Variants in EXOC6B observed in about 807,000 individuals in gnomAD.
The protein encoded by EXOC6B is SEC15 homolog B.
A neutral mutation model predicts 113.5 loss-of-function variants in EXOC6B; 54 were observed. The ratio of observed to expected loss-of-function variants is 0.48; its 90% CI spans 0.38 to 0.60. The LOEUF (loss-of-function observed/expected upper bound fraction) is 0.60. EXOC6B is among the 20% of genes least tolerant of loss of function. The pLI is 0.00. For synonymous variants in EXOC6B, 357 were observed against 339.0 expected (o/e 1.05, Z -0.58); for missense variants, 797 against 977.5 (o/e 0.82, Z 2.46).
chr2:72,284,915 A>G (rs184866765), intron 20 of EXOC6B, among the ~76,000 whole-genome samples: 5 of 152,160 alleles, frequency 3.3e-5, no homozygotes, highest in Admixed American at 1.3e-4. Flanking sequence ...GTATAAATCT[A>G]ACAAAATATG....
chr2:72,512,686 G>T lies in EXOC6B; in HGVS notation c.1167+446C>A, dbSNP rs138034470. On this transcript the variant is annotated intron_variant, in intron 11 of 21. Transcript: ENST00000272427. Reference sequence around the variant, plus strand: ...AAATGGTATAGTGGCTAAGAACATGGGCTCTAGAGTCAGACCATCTGGGTT... The same window carrying T: ...AAATGGTATAGTGGCTAAGAACATGTGCTCTAGAGTCAGACCATCTGGGTT... Among the ~76,000 whole-genome samples, 164 of 151,934 alleles carry T rather than the reference G, an allele frequency of 1.1e-3. 1 individual carries two copies. Among genetic ancestry groups the T allele is most frequent in the African/African-American group, 3.8e-3 (157 of 41,468 alleles).
intron 20 of EXOC6B, among the ~76,000 whole-genome samples, chr2:72,240,781 T>C (rs909426338): frequency 3.3e-5 from 5 of 152,208 alleles, no homozygotes; most frequent in African/African-American, 7.2e-5. Flanking sequence ...TAATGACAAC[T>C]AGTTTCTATT....
chr2:72,281,694 A>T (rs969432118), intron 20 of EXOC6B, among the ~76,000 whole-genome samples: 1 of 152,170 alleles, frequency 6.6e-6, no homozygotes, highest in Admixed American at 6.5e-5. Context: ...AGATATAATA[A>T]CTGCAAATTT....
chr2:72,491,808 G>T (rs761805803), intron 16 of EXOC6B, among the ~76,000 whole-genome samples: 46 of 151,946 alleles, frequency 3.0e-4, no homozygotes, highest in Non-Finnish European at 6.2e-4. Context: ...TAGTCCTTTT[G>T]CAAACAAACT....
intron 20 of EXOC6B, among the ~76,000 whole-genome samples, chr2:72,219,230 C>A (rs529341723): frequency 6.6e-6 from 1 of 152,056 alleles, no homozygotes; most frequent in East Asian, 2.0e-4. Flanking sequence ...CGTTACTGGT[C>A]TCACTTTCTA....
rs907685684 is a variant in EXOC6B at position 72,481,693 on chromosome 2, C to T, written c.1666-943G>A. On this transcript the variant is annotated intron_variant, in intron 16 of 21. Coordinates refer to ENST00000272427, the MANE Select transcript of EXOC6B (RefSeq NM_015189.3). Reference sequence around the variant, plus strand: ...TGAAATTTTCTTATCTTTTATAACCCTATTTCTTTATCTGTAAAATGTCAA... The same window carrying T: ...TGAAATTTTCTTATCTTTTATAACCTTATTTCTTTATCTGTAAAATGTCAA... Among the ~76,000 whole-genome samples the T allele has an allele frequency of 2.6e-5, 4 of 152,192 alleles. No homozygotes were observed. In the South Asian group the frequency reaches 8.3e-4, roughly 32 times the overall value.
intron 6 of EXOC6B, among the ~76,000 whole-genome samples, chr2:72,624,881 C>G (rs1671957186): frequency 6.6e-6 from 1 of 151,898 alleles, no homozygotes; most frequent in Non-Finnish European, 1.5e-5. Flanking sequence ...AAACAGACAC[C>G]AGTAGGTTAG....
At chr2:72,620,499 TTTTAAATTTAAATTTTAAA>T (rs1671679838) in intron 6 of EXOC6B, among the ~76,000 whole-genome samples, 1 of 151,468 alleles carries the variant, frequency 6.6e-6, no homozygotes, top group Admixed American at 6.6e-5. Context: ...ATTTAAATAA[TTTTAAATTTAAATTTTAAA>T]TTTAAATTTA....
chr2:72,301,454 T>G (rs574353632), intron 20 of EXOC6B, among the ~76,000 whole-genome samples: 1 of 152,194 alleles, frequency 6.6e-6, no homozygotes, highest in African/African-American at 2.4e-5. Context: ...CTGGTAGAAT[T>G]TGGCTGTGAA....
At chr2:72,479,764 A>G (rs551487673) in intron 17 of EXOC6B, among the ~76,000 whole-genome samples, 3 of 152,240 alleles carry the variant, frequency 2.0e-5, no homozygotes, top group South Asian at 2.1e-4. Context: ...TCTACCATCA[A>G]TCCTTCTTTT....
intron 1 of EXOC6B, among the ~76,000 whole-genome samples, chr2:72,823,459 G>GAAAAAAGAA (rs1686693497): frequency 2.9e-5 from 2 of 70,030 alleles, no homozygotes; most frequent in African/African-American, 1.6e-4. Flanking sequence ...AAAGTTTTAA[G>GAAAAAAGAA]AAAAAAAAAA....
intron 20 of EXOC6B, among the ~76,000 whole-genome samples, chr2:72,303,860 C>G (rs1686679499): frequency 6.6e-6 from 1 of 152,182 alleles, no homozygotes; most frequent in African/African-American, 2.4e-5. Flanking sequence ...AGTGGTCAGG[C>G]AGGGGCAGGA....
At chr2:72,312,496 A>C (rs910839393) in intron 20 of EXOC6B, among the ~76,000 whole-genome samples, 2 of 152,046 alleles carry the variant, frequency 1.3e-5, no homozygotes, top group Non-Finnish European at 2.9e-5. Context: ...TTTTTTTTGC[A>C]AGCACACATA....
At chr2:72,265,976 G>A (rs888552525) in intron 20 of EXOC6B, among the ~76,000 whole-genome samples, 2 of 152,000 alleles carry the variant, frequency 1.3e-5, no homozygotes, top group Non-Finnish European at 2.9e-5. Flanking sequence ...TCTCATTGTG[G>A]TTTTGATTTG....
intron 8 of EXOC6B, among the ~76,000 whole-genome samples, chr2:72,520,407 C>T (rs1198123125): frequency 6.6e-6 from 1 of 152,170 alleles, no homozygotes; most frequent in African/African-American, 2.4e-5. Context: ...TTCATAGAGG[C>T]AATTCTTTTT....
At chr2:72,249,909 T>C (rs1026048703) in intron 20 of EXOC6B, among the ~76,000 whole-genome samples, 1 of 152,202 alleles carries the variant, frequency 6.6e-6, no homozygotes, top group Non-Finnish European at 1.5e-5. Context: ...CTTAATATAA[T>C]AGCTTTATCA....
At chr2:72,293,316 T>C (rs17008043) in intron 20 of EXOC6B, among the ~76,000 whole-genome samples, 3,694 of 152,072 alleles carry the variant, frequency 0.024, 74 homozygotes, top group Admixed American at 0.07. Flanking sequence ...TAGAATGATA[T>C]ACTACAGAAT....
At chr2:72,373,862 GCCT>G (rs530190586) in intron 19 of EXOC6B, among the ~76,000 whole-genome samples, 227 of 152,216 alleles carry the variant, frequency 1.5e-3, no homozygotes, top group South Asian at 5.6e-3. Flanking sequence ...GGTGGCTCAC[GCCT>G]ATAATCCCAA....
At chr2:72,507,887 G>T (rs1230959334) in intron 11 of EXOC6B, among the ~76,000 whole-genome samples, 2 of 148,952 alleles carry the variant, frequency 1.3e-5, no homozygotes, top group African/African-American at 5.0e-5. Context: ...GTGCATTTTT[G>T]TACTGCGAGA....
Sources: allele counts gnomAD v4.1 joint callset (sites outside exome capture counted in the v4.1 genomes callset), GRCh38; gene constraint gnomAD v4.1.1; transcripts MANE v1.5; gene names NCBI Gene and HGNC (gene_info 2026-07-23, HGNC 2026-07-21).